Variants in MUC12 observed in about 807,000 individuals in gnomAD.
MUC12 encodes mucin 12, cell surface associated.
In MUC12, 172 loss-of-function variants were observed where a neutral mutation model predicts 230.8. The ratio of observed to expected loss-of-function variants is 0.75; its 90% confidence interval spans 0.66 to 0.85. MUC12 has a LOEUF of 0.85. Ranked by LOEUF, MUC12 falls within the 40% of genes least tolerant of loss-of-function variation. MUC12 has a pLI of 0.00. For missense variants in MUC12, 3,506 were observed against 5,920.6 expected (o/e 0.59, Z 13.38); for synonymous variants, 1,259 against 2,401.9 (o/e 0.52, Z 13.91).
Position 100,992,048 on chromosome 7 carries a change from T to C in MUC12, c.1485T>C (p.Thr495=). 4 of 1,537,928 alleles carry C rather than the reference T, an allele frequency of 2.6e-6. No homozygotes were observed. The highest frequency in any genetic ancestry group is 3.5e-6 in the Non-Finnish European group (4 of 1,147,048). Residue 495 remains threonine (T), a synonymous_variant, in exon 2 of 12, where the codon ACT becomes ACC. Coordinates refer to ENST00000536621, the MANE Select transcript of MUC12 (RefSeq NM_001164462.2). The part of the protein sequence containing the change: ...TKPGLSEKST[T]FYSSPRSPDT... ...CAGGCCTCAGTGAGAAATCTACCAC[T>C]TTCTACAGTAGCCCCAGATCACCAG...
chr7:101,010,152 C>T (rs74941631), intron 5 of MUC12, among the ~76,000 whole-genome samples: 32 of 151,964 alleles, frequency 2.1e-4, no homozygotes, highest in Non-Finnish European at 3.7e-4. Context: ...GAATGAGGAA[C>T]GAGGGCAGAT....
At chr7:101,005,695 T>A (rs1793736477) in intron 2 of MUC12, among the ~76,000 whole-genome samples, 176 bp downstream of exon 2, 1 of 152,222 alleles carries the variant, frequency 6.6e-6, no homozygotes, top group African/African-American at 2.4e-5. Context: ...TGCCGTTCAC[T>A]GGTCCCCACA....
chr7:101,004,887 C>G lies in MUC12; in HGVS notation c.14324C>G (p.Ser4775Ter). ...ACCAGCTTGTATAGCCAAGCAGAGT[C>G]AACACACACAACAGCGTTCCCTGCC... ...EPTSLYSQAESTHTTAFPAST... is the reference protein window; with the variant it reads ...EPTSLYSQAE Residue 4775 changes from serine to a stop codon, truncating the protein, a stop_gained, in exon 2 of 12, where the codon TCA (serine) becomes TGA (stop). Transcript: ENST00000536621. LOFTEE classifies it high-confidence loss of function. 2 of 1,537,882 alleles carry G rather than the reference C, an allele frequency of 1.3e-6. No homozygotes were observed. Among genetic ancestry groups the G allele is most frequent in the Non-Finnish European group, 1.7e-6 (2 of 1,147,058 alleles).
intron 1 of MUC12, among the ~76,000 whole-genome samples, chr7:100,989,086 T>C (rs1454481248): frequency 2.7e-5 from 4 of 150,010 alleles, no homozygotes; most frequent in Non-Finnish European, 4.4e-5. Flanking sequence ...TGGTATGTCT[T>C]CTTCCTCTTC....
In MUC12 at chr7:100,991,779, G is replaced by T. The variant is rs759917649; in HGVS notation, c.1216G>T (p.Ala406Ser). ...TKSSTPSTTA[A>S]LAHTSYHSSL... ...ATCTTCAACTCCTAGCACCACAGCT[G>T]CCCTAGCACATACAAGCTACCACAG... Residue 406 changes from alanine (A) to serine (S), a missense_variant, in exon 2 of 12, where the codon GCC (alanine) becomes TCC (serine). Transcript: ENST00000536621. 5.2e-6 allele frequency: 8 copies of T among 1,537,850 alleles called. No individual in the cohort carries two copies. Among genetic ancestry groups the T allele is most frequent in the Non-Finnish European group, 7.0e-6 (8 of 1,147,082 alleles).
chr7:100,991,197 A>C lies in MUC12; in HGVS notation c.634A>C (p.Thr212Pro). ...STDTTLSPGTTTPSSLGPEST... is the reference protein window; with the variant it reads ...STDTTLSPGTPTPSSLGPEST... The stretch of plus-strand genomic sequence containing the variant: ...AGACACAACACTGTCCCCTGGCACT[A>C]CCACACCATCATCCCTTGGTCCAGA... The change falls in exon 2 of 12, where the codon ACC (threonine) becomes CCC (proline). Residue 212 changes from threonine to proline, a missense_variant. Transcript: ENST00000536621. 6.5e-7 allele frequency: 1 copy of C among 1,537,492 alleles called. No homozygotes were observed. The highest frequency in any genetic ancestry group is 8.7e-7 in the Non-Finnish European group (1 of 1,146,882).
chr7:101,002,864 G>T lies in MUC12; in HGVS notation c.12301G>T (p.Val4101Phe). ...ACCTCCCAGCACCACAGCAGTCCCT[G>T]TTGAAGTATCCACAACCTACCACAG... ...PSPPSTTAVPVEVSTTYHSRP... is the reference protein window; with the variant it reads ...PSPPSTTAVPFEVSTTYHSRP... Residue 4101 changes from valine (V) to phenylalanine (F), a missense_variant, in exon 2 of 12, where the codon GTT (valine) becomes TTT (phenylalanine). Val to Phe is a conservative substitution (Grantham distance 50). Transcript: ENST00000536621. 1 of 1,120,156 alleles carries T rather than the reference G, an allele frequency of 8.9e-7. No individual in the cohort carries two copies. Among genetic ancestry groups the T allele is most frequent in the Non-Finnish European group, 1.2e-6 (1 of 812,182 alleles). 69.4% of individuals were successfully genotyped at this position (1,120,156 alleles called of 1,614,324 possible).
At chr7:101,014,204 G>C (rs1793881652) in intron 9 of MUC12, 130 bp downstream of exon 9, 3 of 1,141,984 alleles carry the variant, frequency 2.6e-6, no homozygotes, top group South Asian at 1.8e-5. Flanking sequence ...GGCCAGATGG[G>C]GTGCCCAGAC....
At chr7:101,015,735 G>A in intron 10 of MUC12, 44 bp downstream of exon 10, 1 of 1,507,460 alleles carries the variant, frequency 6.6e-7, no homozygotes, top group Middle Eastern at 1.7e-4. Context: ...GCTGGAGGGT[G>A]AAGAAAGGCA....
rs1240889942 is a variant in MUC12 at position 100,992,521 on chromosome 7, C to G, written c.1958C>G (p.Ala653Gly). The G allele has an allele frequency of 6.5e-7, 1 of 1,537,940 alleles. No homozygotes were observed. Among genetic ancestry groups the G allele is most frequent in the East Asian group, 2.4e-5 (1 of 40,930 alleles). ...TRPAPPTTTS[A>G]FVEPSTTSHG... is the part of the protein sequence containing the mutation. ...CCTGCACCTCCTACTACCACATCAG[C>G]CTTTGTTGAGCCATCTACAACCTCC... Residue 653 changes from alanine to glycine, a missense_variant, in exon 2 of 12, where the codon GCC (alanine) becomes GGC (glycine). Transcript: ENST00000536621.
intron 8 of MUC12, among the ~76,000 whole-genome samples, 156 bp downstream of exon 8, chr7:101,013,298 C>T (rs184843126): frequency 2.6e-5 from 4 of 152,258 alleles, no homozygotes; most frequent in South Asian, 4.1e-4. Context: ...CTCATTCCCA[C>T]CCCCCACACC....
chr7:100,981,558 G>A, intron 1 of MUC12: 1 of 440,582 alleles, frequency 2.3e-6, no homozygotes, highest in Non-Finnish European at 4.0e-6. Flanking sequence ...AGGAAGGGCA[G>A]CTGGATAAGA....
At position 100,992,527 on chromosome 7, in the gene MUC12, T is replaced by C. The variant is rs763292174; in HGVS notation, c.1964T>C (p.Val655Ala). 141 of 1,537,948 alleles carry C rather than the reference T, an allele frequency of 9.2e-5. No individual in the cohort carries two copies. Among genetic ancestry groups the C allele is most frequent in the East Asian group, 4.2e-4 (17 of 40,928 alleles). Residue 655 changes from valine to alanine, a missense_variant, in exon 2 of 12, where the codon GTT becomes GCT. Physicochemically the swap from Val to Ala is moderately conservative, Grantham distance 64 (BLOSUM62 0). Transcript: ENST00000536621. Reference sequence around the variant, plus strand: ...CCTCCTACTACCACATCAGCCTTTGTTGAGCCATCTACAACCTCCCACGGC... The same window carrying C: ...CCTCCTACTACCACATCAGCCTTTGCTGAGCCATCTACAACCTCCCACGGC... ...PAPPTTTSAF[V>A]EPSTTSHGSP... is the part of the protein sequence containing the mutation.
chr7:101,010,492 G>A (rs1309928730), intron 5 of MUC12, among the ~76,000 whole-genome samples: 7 of 151,816 alleles, frequency 4.6e-5, no homozygotes, highest in Non-Finnish European at 8.8e-5. Context: ...CTGCGCCATC[G>A]TGCTTGGCTA....
At position 100,991,336 on chromosome 7, in the gene MUC12, C is replaced by G. The variant is rs770096252; in HGVS notation, c.773C>G (p.Ser258Trp). The G allele has an allele frequency of 1.3e-6, 2 of 1,537,646 alleles. No individual in the cohort carries two copies. The highest frequency in any genetic ancestry group is 3.9e-5 in the Admixed American group (2 of 50,962). The change falls in exon 2 of 12, where the codon TCG becomes TGG. Residue 258 changes from serine (S) to tryptophan (W), a missense_variant. Transcript: ENST00000536621. ...ACGCCCGTCCACAGCAGCACTGGATCGCCACACACAACACTGTCCCCTTCC... is the reference window on the plus strand; with the variant it reads ...ACGCCCGTCCACAGCAGCACTGGATGGCCACACACAACACTGTCCCCTTCC... ...ASTPVHSSTGSPHTTLSPSSS... is the reference protein window; with the variant it reads ...ASTPVHSSTGWPHTTLSPSSS...
intron 2 of MUC12, 105 bp downstream of exon 2, chr7:101,005,624 A>G (rs2116346144): frequency 7.4e-7 from 1 of 1,345,994 alleles, no homozygotes; most frequent in Admixed American, 2.7e-5. Flanking sequence ...TCTGTCTTCC[A>G]CTTTACTTGG....
intron 1 of MUC12, among the ~76,000 whole-genome samples, chr7:100,989,030 C>A: frequency 6.6e-6 from 1 of 151,836 alleles, no homozygotes; most frequent in Admixed American, 6.6e-5. Context: ...ACATGTGGAA[C>A]TGTGAGTCCA....
chr7:101,009,028 A>T, intron 4 of MUC12, 67 bp from the exon 5 acceptor site: 1 of 1,510,774 alleles, frequency 6.6e-7, no homozygotes, highest in Non-Finnish European at 8.9e-7. Flanking sequence ...GGGCTGCCTC[A>T]AGAAGGGTAA....
At chr7:100,970,033 G>A (rs1792827069) in intron 1 of MUC12, among the ~76,000 whole-genome samples, 1 of 152,308 alleles carries the variant, frequency 6.6e-6, no homozygotes, top group Non-Finnish European at 1.5e-5. Flanking sequence ...TCATCCTGGG[G>A]GCTTTATCTG....
Sources: gnomAD v4.1 joint callset for allele counts (sites outside exome capture counted in the v4.1 genomes callset) on GRCh38, gnomAD v4.1.1 for gene constraint, MANE v1.5 for transcripts, NCBI Gene and HGNC (gene_info 2026-07-23, HGNC 2026-07-21) for gene names.